Variants in APPBP2 observed in about 807,000 individuals in gnomAD.
APPBP2 encodes amyloid beta precursor protein binding protein 2.
A neutral mutation model predicts 76.0 loss-of-function variants in APPBP2; 15 were observed. The observed-to-expected ratio is 0.20, with a 90% CI of 0.13 to 0.30. APPBP2 has a LOEUF of 0.30. APPBP2 is among the 10% of genes least tolerant of loss of function. The pLI is 1.00. For missense variants in APPBP2, 401 were observed against 687.2 expected (o/e 0.58, Z 4.66); for synonymous variants, 222 against 242.2 (o/e 0.92, Z 0.77).
chr17:60,475,654 C>T (rs2090584631), intron 4 of APPBP2, among the ~76,000 whole-genome samples: 1 of 137,708 alleles, frequency 7.3e-6, no homozygotes, highest in African/African-American at 3.0e-5. Context: ...TTTATACACA[C>T]ACACACACAC....
intron 3 of APPBP2, among the ~76,000 whole-genome samples, chr17:60,485,658 T>C (rs149835482): frequency 6.6e-6 from 1 of 152,188 alleles, no homozygotes; most frequent in African/African-American, 2.4e-5. Flanking sequence ...AGCTCCTGGA[T>C]TCACTGATTT....
At chr17:60,473,949 A>G (rs2090571019) in intron 4 of APPBP2, among the ~76,000 whole-genome samples, 1 of 152,174 alleles carries the variant, frequency 6.6e-6, no homozygotes, top group South Asian at 2.1e-4. Context: ...TGATGTCATC[A>G]GAAATTTAAT....
chr17:60,510,860 A>G (rs1372809218), intron 1 of APPBP2, among the ~76,000 whole-genome samples: 2 of 152,226 alleles, frequency 1.3e-5, no homozygotes, highest in Non-Finnish European at 2.9e-5. Context: ...ATATTCAAAT[A>G]AAAGGGCAAC....
chr17:60,523,512 A>G (rs987111589), intron 1 of APPBP2, among the ~76,000 whole-genome samples: 1 of 152,040 alleles, frequency 6.6e-6, no homozygotes, highest in Non-Finnish European at 1.5e-5. Flanking sequence ...AAAGTTTCTT[A>G]TATGTATATG....
At chr17:60,512,919 G>T (rs2090927724) in intron 1 of APPBP2, among the ~76,000 whole-genome samples, 1 of 134,992 alleles carries the variant, frequency 7.4e-6, no homozygotes. Flanking sequence ...TCAGAAATAA[G>T]TCTGAAAGTC....
intron 1 of APPBP2, among the ~76,000 whole-genome samples, chr17:60,521,005 C>A (rs58314423): frequency 0.097 from 14,787 of 152,134 alleles, 2,383 homozygotes; most frequent in African/African-American, 0.33. Context: ...CAGCTAGCAC[C>A]CTATAACCTC....
intron 10 of APPBP2, 26 bp downstream of exon 10, chr17:60,456,270 A>G (rs1248574985): frequency 2.8e-6 from 4 of 1,425,696 alleles, no homozygotes; most frequent in Non-Finnish European, 4.0e-6. Flanking sequence ...ATTTTAAAAT[A>G]TCTGAGACTA....
intron 6 of APPBP2, 184 bp from the exon 7 acceptor site, chr17:60,462,245 G>A (rs2090480789): frequency 1.8e-6 from 1 of 544,780 alleles, no homozygotes; most frequent in African/African-American, 1.9e-5. Flanking sequence ...AAACAGATCT[G>A]TATATAAGCT....
chr17:60,447,502 C>G lies in APPBP2; in HGVS notation c.*79G>C. The G allele has an allele frequency of 4.6e-6, 7 of 1,508,288 alleles. 1 individual carries two copies. Among genetic ancestry groups the G allele is most frequent in the South Asian group, 4.0e-5 (3 of 75,476 alleles). 93.4% of individuals were successfully genotyped at this position (1,508,288 alleles called of 1,614,324 possible). A position where few individuals can be genotyped will look rare whatever the true frequency, so the allele number is the denominator to read the frequency against. On this transcript the variant is annotated 3_prime_UTR_variant, in exon 13 of 13. Coordinates refer to ENST00000083182, the MANE Select transcript of APPBP2 (RefSeq NM_006380.5). ...TGTTTCAATGCAAATTCCAGCCCCC[C>G]AAAACAACATGGTTTTGATTTCACA...
intron 3 of APPBP2, among the ~76,000 whole-genome samples, chr17:60,489,631 A>AAAAAG (rs2090709992): frequency 5.3e-5 from 8 of 151,018 alleles, no homozygotes; most frequent in African/African-American, 2.0e-4. Context: ...AAAAAAAAAA[A>AAAAAG]GATTAAAAAT....
At chr17:60,515,227 T>C (rs1405655250) in intron 1 of APPBP2, among the ~76,000 whole-genome samples, 3 of 150,922 alleles carry the variant, frequency 2.0e-5, no homozygotes, top group East Asian at 1.9e-4. Flanking sequence ...GCAGATCTCC[T>C]GCCTCAGCCT....
chr17:60,474,887 GTTA>G (rs2090578141), intron 4 of APPBP2, among the ~76,000 whole-genome samples: 1 of 151,908 alleles, frequency 6.6e-6, no homozygotes, highest in Non-Finnish European at 1.5e-5. Flanking sequence ...CTTGGGATTT[GTTA>G]TTATTAATTT....
intron 4 of APPBP2, among the ~76,000 whole-genome samples, chr17:60,476,551 C>T (rs73328403): frequency 0.082 from 12,496 of 151,948 alleles, 1,698 homozygotes; most frequent in African/African-American, 0.28. Flanking sequence ...ACACCTGTAA[C>T]GGCCAAGAAT....
chr17:60,490,903 C>T (rs1440770627), intron 3 of APPBP2, among the ~76,000 whole-genome samples: 1 of 152,150 alleles, frequency 6.6e-6, no homozygotes, highest in Admixed American at 6.6e-5. Context: ...ACTATGAGTC[C>T]ATTAAACCTC....
At chr17:60,462,801 T>G (rs2090484994) in intron 6 of APPBP2, 1 of 151,786 alleles carries the variant, frequency 6.6e-6, no homozygotes, top group Admixed American at 6.6e-5. Flanking sequence ...ATACAAAAAA[T>G]TAGTCGGGTG....
intron 2 of APPBP2, among the ~76,000 whole-genome samples, chr17:60,496,878 G>A (rs1447121171): frequency 1.3e-5 from 2 of 152,006 alleles, no homozygotes; most frequent in African/African-American, 4.8e-5. Flanking sequence ...GAGCTACCAC[G>A]CCCAGCTAAT....
At chr17:60,522,760 G>T (rs1406756444) in intron 1 of APPBP2, among the ~76,000 whole-genome samples, 1 of 151,808 alleles carries the variant, frequency 6.6e-6, no homozygotes, top group Non-Finnish European at 1.5e-5. Flanking sequence ...CCTGCTCAGG[G>T]ACTTTGCTCC....
At chr17:60,525,444 G>A (rs1421115905) in intron 1 of APPBP2, among the ~76,000 whole-genome samples, 1 of 152,138 alleles carries the variant, frequency 6.6e-6, no homozygotes, top group Non-Finnish European at 1.5e-5. Flanking sequence ...TGGAAGGAGA[G>A]GATGGAAAAT....
intron 4 of APPBP2, among the ~76,000 whole-genome samples, chr17:60,470,991 T>C (rs1253356906): frequency 6.6e-6 from 1 of 151,780 alleles, no homozygotes; most frequent in Non-Finnish European, 1.5e-5. Context: ...GAGACAGAGT[T>C]TTATCATGTT....
Sources: gnomAD v4.1 joint callset for allele counts (sites outside exome capture counted in the v4.1 genomes callset) on GRCh38, gnomAD v4.1.1 for gene constraint, MANE v1.5 for transcripts, NCBI Gene and HGNC (gene_info 2026-07-23, HGNC 2026-07-21) for gene names.